Variants in UBE3C observed in about 807,000 individuals in gnomAD.
The protein encoded by UBE3C is ubiquitin protein ligase E3C.
UBE3C carries 42 observed loss-of-function variants against 129.4 expected under a neutral mutation model. The observed-to-expected ratio is 0.32, with a 90% CI of 0.25 to 0.42. The LOEUF is 0.42. Among genes scored for constraint, UBE3C ranks in the 10% least tolerant of loss-of-function variants. The pLI is 1.00. For missense variants in UBE3C, 1,049 were observed against 1,319.1 expected (o/e 0.80, Z 3.17); for synonymous variants, 510 against 492.4 (o/e 1.04, Z -0.47).
chr7:157,248,040 C>T (rs1044689702), intron 18 of UBE3C, among the ~76,000 whole-genome samples: 1 of 152,148 alleles, frequency 6.6e-6, no homozygotes, highest in Non-Finnish European at 1.5e-5. Context: ...ACCTGCAGTT[C>T]CTGAAGGATT....
Position 157,139,410 on chromosome 7 carries a change from G to GTTGGA in UBE3C, c.66+72_66+73insTTGGA, listed in dbSNP as rs1586635376. 32 of 1,421,598 alleles carry GTTGGA rather than the reference G, an allele frequency of 2.3e-5. No individual in the cohort carries two copies. The East Asian group carries it at 2.6e-4, about 12-fold the overall frequency. The allele number at this position is 1,421,598 out of a possible 1,614,324, so 88.1% of individuals were successfully genotyped here. A position where few individuals can be genotyped will look rare whatever the true frequency, so the allele number is the denominator to read the frequency against. ...CCGGGGCTCGGGGCTGGGACTCGGG[G>GTTGGA]CTGGACTCGGGGCTGGACTCGGGGC... On this transcript the variant is annotated intron_variant, in intron 1 of 22. Coordinates refer to ENST00000348165, the MANE Select transcript of UBE3C (RefSeq NM_014671.3).
chr7:157,229,055 G>A (rs1374101799), intron 17 of UBE3C, among the ~76,000 whole-genome samples: 1 of 152,150 alleles, frequency 6.6e-6, no homozygotes, highest in Non-Finnish European at 1.5e-5. Context: ...AGCCAACAGA[G>A]GGCAGCAGCG....
chr7:157,246,263 G>T (rs1345280252), intron 18 of UBE3C, among the ~76,000 whole-genome samples: 1 of 152,178 alleles, frequency 6.6e-6, no homozygotes, highest in East Asian at 1.9e-4. Context: ...ACTAAATACG[G>T]TAACTGGTTG....
intron 19 of UBE3C, among the ~76,000 whole-genome samples, chr7:157,249,452 A>G (rs1019841012): frequency 9.2e-5 from 14 of 152,036 alleles, no homozygotes; most frequent in African/African-American, 3.4e-4. Context: ...AGTAGCTGGG[A>G]TTACAATGCG....
chr7:157,268,129 A>T lies in UBE3C; in HGVS notation c.*374A>T, dbSNP rs185237066. On this transcript the variant is annotated 3_prime_UTR_variant, in exon 23 of 23. Transcript: ENST00000348165. ...CAGGCAGCGCCACTCCAGGGTTCAG[A>T]CAGGGCTGCACAGGCGGCAGAGATA... 4.2e-4 allele frequency: 67 copies of T among 161,232 alleles called. No individual in the cohort carries two copies. In the East Asian group the frequency reaches 0.01, roughly 24 times the overall value. 10.0% of individuals were successfully genotyped at this position (161,232 alleles called of 1,614,324 possible). A position where few individuals can be genotyped will look rare whatever the true frequency, so the allele number is the denominator to read the frequency against.
chr7:157,171,963 A>T (rs574817305), intron 4 of UBE3C, among the ~76,000 whole-genome samples: 3 of 149,736 alleles, frequency 2.0e-5, no homozygotes, highest in Non-Finnish European at 4.4e-5. Context: ...TGCCTCGGCC[A>T]CCCATAGTGC....
intron 18 of UBE3C, among the ~76,000 whole-genome samples, chr7:157,233,101 G>GT: frequency 7.0e-6 from 1 of 143,452 alleles, no homozygotes; most frequent in African/African-American, 2.6e-5. Flanking sequence ...AGTCTGTATG[G>GT]ATTTTTTTTT....
At chr7:157,186,729 A>T in intron 9 of UBE3C, 105 bp from the exon 10 acceptor site, 1 of 1,328,464 alleles carries the variant, frequency 7.5e-7, no homozygotes, top group Non-Finnish European at 1.0e-6. Flanking sequence ...GATGATGCCT[A>T]GCTTTCTTTG....
chr7:157,226,461 C>T (rs556449458), intron 17 of UBE3C, among the ~76,000 whole-genome samples: 1 of 151,986 alleles, frequency 6.6e-6, no homozygotes, highest in East Asian at 1.9e-4. Context: ...TGGTCAATGC[C>T]GAGGGGATTA....
At chr7:157,198,270 T>A in intron 10 of UBE3C, 1 of 1,068,238 alleles carries the variant, frequency 9.4e-7, no homozygotes. Flanking sequence ...TGAGGTGGTG[T>A]CCGTGGGCTC....
rs528078281 is a variant in UBE3C at position 157,260,473 on chromosome 7, G to T, written c.3081+3429G>T. The stretch of plus-strand genomic sequence containing the variant: ...ATCTCTCGAGCGCAGGGAAAGCTGG[G>T]TGCTGCCTGTGTGGTGGCAGAGTCT... On this transcript the variant is annotated intron_variant, in intron 22 of 22. Transcript: ENST00000348165. Among the ~76,000 whole-genome samples the T allele has an allele frequency of 7.9e-5, 12 of 152,300 alleles. No homozygotes were observed. In the East Asian group the frequency reaches 2.3e-3, roughly 29 times the overall value.
At chr7:157,143,154 A>G (rs1017027268) in intron 1 of UBE3C, among the ~76,000 whole-genome samples, 4 of 152,178 alleles carry the variant, frequency 2.6e-5, no homozygotes, top group African/African-American at 9.7e-5. Flanking sequence ...GGTATGAGCC[A>G]CTGCGCTCAG....
At chr7:157,150,249 C>T (rs1476373708) in intron 1 of UBE3C, among the ~76,000 whole-genome samples, 1 of 151,998 alleles carries the variant, frequency 6.6e-6, no homozygotes, top group Non-Finnish European at 1.5e-5. Context: ...TGTGGTGGCA[C>T]CCGCCTGTAA....
At chr7:157,186,734 T>G in intron 9 of UBE3C, 100 bp from the exon 10 acceptor site, 1 of 1,399,222 alleles carries the variant, frequency 7.1e-7, no homozygotes, top group Non-Finnish European at 9.8e-7. Flanking sequence ...TGCCTAGCTT[T>G]CTTTGCCCGA....
chr7:157,192,358 C>T (rs3824060), intron 10 of UBE3C: 89,573 of 626,744 alleles, frequency 0.14, 13,055 homozygotes, highest in African/African-American at 0.6. Flanking sequence ...GCGGTGGAGC[C>T]GCCACCAAAA....
intron 1 of UBE3C, among the ~76,000 whole-genome samples, chr7:157,162,784 C>T (rs1808107300): frequency 6.6e-6 from 1 of 152,076 alleles, no homozygotes; most frequent in Non-Finnish European, 1.5e-5. Flanking sequence ...TCCCAAAGTG[C>T]AGGGATTACA....
rs2527876 is a variant in UBE3C, at chr7:157,230,711, A to G, written c.2234-369A>G. 1.9e-3 allele frequency among the ~76,000 whole-genome samples: 269 copies of G among 143,284 alleles called. 10 individuals carry two copies. Among genetic ancestry groups the G allele is most frequent in the Middle Eastern group, 7.3e-3 (2 of 274 alleles). The allele number at this position is 143,284 out of a possible 152,430, so 94.0% of individuals were successfully genotyped here. Reference sequence around the variant, plus strand: ...CCCCGTCTCAAAAAAAAAAAAAAAAAAAACCTCCTAATGTTTTAAGAATTT... The same window carrying G: ...CCCCGTCTCAAAAAAAAAAAAAAAAGAAACCTCCTAATGTTTTAAGAATTT... On this transcript the variant is annotated intron_variant, in intron 17 of 22. Coordinates refer to ENST00000348165, the MANE Select transcript of UBE3C (RefSeq NM_014671.3).
chr7:157,218,516 A>T (rs989121850), intron 14 of UBE3C, among the ~76,000 whole-genome samples: 5 of 152,166 alleles, frequency 3.3e-5, no homozygotes, highest in African/African-American at 1.2e-4. Context: ...GTTTCAGAAC[A>T]ATTTTATAAG....
chr7:157,170,164 A>G (rs1388116463), intron 3 of UBE3C, 140 bp from the exon 4 acceptor site: 8 of 742,122 alleles, frequency 1.1e-5, no homozygotes, highest in African/African-American at 1.9e-5. Flanking sequence ...CTACAATTCA[A>G]CTGTGAGCAA....
Sources: gnomAD v4.1 joint callset for allele counts (sites outside exome capture counted in the v4.1 genomes callset) on GRCh38, gnomAD v4.1.1 for gene constraint, MANE v1.5 for transcripts, NCBI Gene and HGNC (gene_info 2026-07-23, HGNC 2026-07-21) for gene names.